Variants in MGST1 observed in about 807,000 individuals in gnomAD.
The protein encoded by MGST1 is glutathione S-transferase 12.
Under a neutral mutation model 8.9 loss-of-function variants are expected in MGST1, and 5 were observed. The ratio of observed to expected loss-of-function variants is 0.56; its 90% CI spans 0.29 to 1.19. MGST1 has a LOEUF of 1.19. MGST1 is among the 50% of genes most tolerant of loss of function. The pLI, the probability that MGST1 is intolerant of heterozygous loss-of-function variation, is 0.08. For synonymous variants in MGST1, 54 were observed against 67.8 expected (o/e 0.80, Z 1.00); for missense variants, 182 against 187.4 (o/e 0.97, Z 0.17).
chr12:16,503,636 C>T lies in MGST1; in HGVS notation n.483-85892C>T, dbSNP rs552707240. Reference sequence around the variant, plus strand: ...TGGAGGTAGGGCTTGAACCCCAGACCGAAAGGAGGGCTAGTTGAAATAGGG... The same window carrying T: ...TGGAGGTAGGGCTTGAACCCCAGACTGAAAGGAGGGCTAGTTGAAATAGGG... On this transcript the variant is annotated intron_variant and non_coding_transcript_variant, in intron 4 of 4. Coordinates refer to the MGST1 transcript ENST00000538857. The surrounding 1 kb of genome is among the most constrained non-coding windows in gnomAD (Gnocchi z 4.8). Among the ~76,000 whole-genome samples the T allele has an allele frequency of 1.3e-4, 20 of 152,162 alleles. No homozygotes were observed. The highest frequency in any genetic ancestry group is 3.4e-3 in the Middle Eastern group (1 of 294).
In MGST1 at chr12:16,526,690, G is replaced by A. The variant is rs1318597887; in HGVS notation, n.483-62838G>A. On this transcript the variant is annotated intron_variant and non_coding_transcript_variant, in intron 4 of 4. Coordinates refer to the MGST1 transcript ENST00000538857. ...ATTCTATCACCATAAATTAGGTAAG[G>A]TATTTATAATAAAACCAGGTCTTGG... Among the ~76,000 whole-genome samples, 4 of 151,902 alleles carry A rather than the reference G, an allele frequency of 2.6e-5. No homozygotes were observed. In the South Asian group the frequency reaches 6.2e-4, roughly 24 times the overall value.
intron 3 of MGST1, among the ~76,000 whole-genome samples, chr12:16,371,814 A>G (rs1411400003): frequency 6.6e-6 from 1 of 152,078 alleles, no homozygotes. Flanking sequence ...AGTCTAAAAT[A>G]TTTACTCTGG....
downstream of MGST1, among the ~76,000 whole-genome samples, chr12:16,380,109 A>C (rs1940435078): frequency 6.6e-6 from 1 of 151,978 alleles, no homozygotes; most frequent in South Asian, 2.1e-4. Flanking sequence ...GGATTCATTA[A>C]TTTTTGAAGG....
chr12:16,512,740 G>A (rs1941585013), intron 4 of MGST1, among the ~76,000 whole-genome samples: 1 of 152,178 alleles, frequency 6.6e-6, no homozygotes, highest in Admixed American at 6.5e-5. Context: ...CAAAATGCTT[G>A]TCTATTACAT....
At chr12:16,359,871 A>G (rs1939906140) in intron 3 of MGST1, among the ~76,000 whole-genome samples, 1 of 152,190 alleles carries the variant, frequency 6.6e-6, no homozygotes, top group Non-Finnish European at 1.5e-5. Flanking sequence ...AAGATATTTT[A>G]TTTGGGGATT....
intron 1 of MGST1, among the ~76,000 whole-genome samples, chr12:16,349,998 G>C (rs2136911138): frequency 1.3e-5 from 2 of 152,054 alleles, no homozygotes; most frequent in African/African-American, 4.8e-5. Context: ...CCCGCCTCCG[G>C]CTCCCAAAGT....
Position 16,485,307 on chromosome 12 carries a change from C to A in MGST1, n.482+101703C>A, listed in dbSNP as rs750328436. ...TTGTAGGCTCGATTTAGAAGTGTAACGTTCGGTGTAATAGCCACCAGCTGT... is the reference window on the plus strand; with the variant it reads ...TTGTAGGCTCGATTTAGAAGTGTAAAGTTCGGTGTAATAGCCACCAGCTGT... On this transcript the variant is annotated intron_variant and non_coding_transcript_variant, in intron 4 of 4. Coordinates refer to the MGST1 transcript ENST00000538857. Among the ~76,000 whole-genome samples, 102 of 152,144 alleles carry A rather than the reference C, an allele frequency of 6.7e-4. 1 individual carries two copies. Among genetic ancestry groups the A allele is most frequent in the Admixed American group, 3.3e-4 (5 of 15,268 alleles).
chr12:16,469,298 G>T (rs530535817), intron 4 of MGST1, among the ~76,000 whole-genome samples: 2 of 146,730 alleles, frequency 1.4e-5, no homozygotes, highest in African/African-American at 5.0e-5. Flanking sequence ...CGATTCTCCT[G>T]CCTCAGCCTC....
At chr12:16,424,954 A>G (rs1565451939) in intron 1 of MGST1, among the ~76,000 whole-genome samples, 1 of 152,224 alleles carries the variant, frequency 6.6e-6, no homozygotes, top group Non-Finnish European at 1.5e-5. Flanking sequence ...ACAAAGAAAC[A>G]GAACAGACAT....
At chr12:16,394,719 TC>T (rs1940590163) in intron 1 of MGST1, among the ~76,000 whole-genome samples, 1 of 151,946 alleles carries the variant, frequency 6.6e-6, no homozygotes, top group South Asian at 2.1e-4. Flanking sequence ...TGCCTCAGGC[TC>T]CAAGTAGCTG....
intron 4 of MGST1, among the ~76,000 whole-genome samples, chr12:16,518,400 A>C (rs1941627796): frequency 6.6e-6 from 1 of 152,182 alleles, no homozygotes; most frequent in Non-Finnish European, 1.5e-5. Context: ...ATCCTATCTA[A>C]TATAGTTCTC....
intron 1 of MGST1, among the ~76,000 whole-genome samples, chr12:16,416,519 C>A (rs1565450142): frequency 6.6e-6 from 1 of 152,028 alleles, no homozygotes; most frequent in Non-Finnish European, 1.5e-5. Context: ...GGCTGTTTTT[C>A]TGGATTTCTT....
At chr12:16,504,447 G>A (rs1016918739) in intron 4 of MGST1, among the ~76,000 whole-genome samples, 2 of 152,008 alleles carry the variant, frequency 1.3e-5, no homozygotes, top group African/African-American at 2.4e-5. Context: ...GCCTTTAGGG[G>A]GGACTTTTTT....
intron 4 of MGST1, among the ~76,000 whole-genome samples, chr12:16,570,359 A>G (rs1430144650): frequency 6.6e-6 from 1 of 152,116 alleles, no homozygotes. Flanking sequence ...CTATATATAA[A>G]AGTGAACAAG....
In MGST1 at chr12:16,544,221, TACACACACACACACAC is replaced by T. The variant is rs3029719; in HGVS notation, n.483-45279_483-45264del. Reference sequence around the variant, plus strand: ...TTAAATTGACACCTTAAGTAAGAACTACACACACACACACACACACACACACACACACACACACACA... The same window carrying T: ...TTAAATTGACACCTTAAGTAAGAACTACACACACACACACACACACACACA... On this transcript the variant is annotated intron_variant and non_coding_transcript_variant, in intron 4 of 4. Coordinates refer to the MGST1 transcript ENST00000538857. The surrounding 1 kb of genome is among the most constrained non-coding windows in gnomAD (Gnocchi z 4.8). Among the ~76,000 whole-genome samples, 8 of 138,794 alleles carry T rather than the reference TACACACACACACACAC, an allele frequency of 5.8e-5. No homozygotes were observed. In the East Asian group the frequency reaches 8.2e-4, roughly 14 times the overall value. 91.1% of individuals were successfully genotyped at this position (138,794 alleles called of 152,430 possible).
chr12:16,381,965 C>G (rs894457623), downstream of MGST1, among the ~76,000 whole-genome samples: 9 of 152,188 alleles, frequency 5.9e-5, no homozygotes, highest in African/African-American at 9.6e-5. Context: ...ACATAGCTCT[C>G]GTGCCTTGGT....
intron 4 of MGST1, among the ~76,000 whole-genome samples, chr12:16,468,758 T>C (rs1339612217): frequency 6.6e-6 from 1 of 152,194 alleles, no homozygotes; most frequent in Non-Finnish European, 1.5e-5. Context: ...CCCCTAGTAT[T>C]TATTCACCCC....
intron 3 of MGST1, among the ~76,000 whole-genome samples, chr12:16,374,935 C>G (rs1940355684): frequency 1.3e-5 from 2 of 152,152 alleles, no homozygotes; most frequent in Non-Finnish European, 2.9e-5. Flanking sequence ...TGCTGAAGTG[C>G]AGTGGGACAA....
At chr12:16,459,362 G>A (rs1386976376) in intron 4 of MGST1, among the ~76,000 whole-genome samples, 2 of 152,022 alleles carry the variant, frequency 1.3e-5, no homozygotes, top group Non-Finnish European at 2.9e-5. Flanking sequence ...TTGGTACAAT[G>A]TGGTGAATGA....
Sources: allele counts gnomAD v4.1 joint callset (sites outside exome capture counted in the v4.1 genomes callset), GRCh38; gene constraint gnomAD v4.1.1; non-coding constraint Gnocchi (gnomAD v3.1); transcripts MANE v1.5; gene names NCBI Gene and HGNC (gene_info 2026-07-23, HGNC 2026-07-21).